Variants in PTPRN2 observed in about 807,000 individuals in gnomAD.
The protein encoded by PTPRN2 is receptor-type tyrosine-protein phosphatase N2.
PTPRN2 carries 74 observed loss-of-function variants against 118.8 expected under a neutral mutation model. That is an observed-to-expected ratio of 0.62 (90% CI 0.52 to 0.76). PTPRN2 has a LOEUF of 0.76. Ranked by LOEUF, PTPRN2 falls within the 30% of genes least tolerant of loss-of-function variation. The pLI is 0.00. For missense variants in PTPRN2, 1,481 were observed against 1,394.4 expected (o/e 1.06, Z -0.99); for synonymous variants, 641 against 608.0 (o/e 1.05, Z -0.80).
chr7:158,460,237 A>G (rs1168020346), intron 2 of PTPRN2, among the ~76,000 whole-genome samples: 2 of 140,984 alleles, frequency 1.4e-5, no homozygotes, highest in African/African-American at 2.7e-5. Context: ...TTCCTGCTAC[A>G]GTGCCTGTGT....
intron 11 of PTPRN2, among the ~76,000 whole-genome samples, chr7:158,071,517 G>A (rs1348214817): frequency 2.2e-5 from 3 of 136,932 alleles, no homozygotes; most frequent in Admixed American, 7.3e-5. Flanking sequence ...GATGCTCGTG[G>A]TGGTGGAGAT....
Position 157,617,038 on chromosome 7 carries a change from C to T in PTPRN2, c.2344+4324G>A, listed in dbSNP as rs1260147390. 1.3e-5 allele frequency: 2 copies of T among 152,296 alleles called. No individual in the cohort carries two copies. The highest frequency in any genetic ancestry group is 4.8e-5 in the African/African-American group (2 of 41,466). The allele number at this position is 152,296 out of a possible 1,614,324, so 9.4% of individuals were successfully genotyped here. On this transcript the variant is annotated intron_variant, in intron 15 of 22. Coordinates refer to ENST00000389418, the MANE Select transcript of PTPRN2 (RefSeq NM_002847.5). This position sits in a 1 kb window ranked among gnomAD's most constrained non-coding sequence, Gnocchi z 7.5. ...CAATCTCAGGTGAGCCCAAGACAGC[C>T]TATGAGGATGGCACTGGGGAGTCTG...
At chr7:158,227,654 T>C (rs1032465703) in intron 3 of PTPRN2, among the ~76,000 whole-genome samples, 5 of 152,194 alleles carry the variant, frequency 3.3e-5, no homozygotes, top group Non-Finnish European at 7.3e-5. Context: ...CTCAAAATGC[T>C]CTTTACGGAA....
chr7:158,581,475 C>T (rs1301839744), intron 1 of PTPRN2, among the ~76,000 whole-genome samples: 1 of 152,038 alleles, frequency 6.6e-6, no homozygotes, highest in Non-Finnish European at 1.5e-5. Flanking sequence ...AGGTGGCCAC[C>T]TGAATCTATA....
At chr7:158,073,507 G>A (rs1812100226) in intron 11 of PTPRN2, among the ~76,000 whole-genome samples, 1 of 152,198 alleles carries the variant, frequency 6.6e-6, no homozygotes, top group Non-Finnish European at 1.5e-5. Flanking sequence ...CAGCTGCCCT[G>A]CAGAACACAG....
chr7:158,515,491 G>C (rs1022421818), intron 1 of PTPRN2, among the ~76,000 whole-genome samples: 3 of 152,088 alleles, frequency 2.0e-5, no homozygotes. Context: ...CCAGCCGTGC[G>C]AATGTAATTT....
At chr7:158,221,911 T>G (rs1200856294) in intron 3 of PTPRN2, among the ~76,000 whole-genome samples, 1 of 151,816 alleles carries the variant, frequency 6.6e-6, no homozygotes, top group Admixed American at 6.6e-5. Flanking sequence ...AAAAAATGGG[T>G]AGGAGACATG....
intron 21 of PTPRN2, 95 bp from the exon 22 acceptor site, chr7:157,549,114 G>A: frequency 8.2e-7 from 1 of 1,213,126 alleles, no homozygotes; most frequent in Non-Finnish European, 1.2e-6. Flanking sequence ...TCTGGGCTGA[G>A]AGGCCAATTG....
At chr7:158,469,623 G>A (rs914219096) in intron 2 of PTPRN2, among the ~76,000 whole-genome samples, 4 of 150,068 alleles carry the variant, frequency 2.7e-5, no homozygotes, top group Non-Finnish European at 2.9e-5. Flanking sequence ...GCTCGAGAGC[G>A]TTTCTGTTCC....
chr7:158,186,699 C>A (rs895420413), intron 5 of PTPRN2, among the ~76,000 whole-genome samples: 2 of 152,176 alleles, frequency 1.3e-5, no homozygotes, highest in African/African-American at 4.8e-5. Context: ...GTCAGAAGCC[C>A]GCCTGGGCCA....
chr7:157,934,819 G>A (rs566996118), intron 11 of PTPRN2, among the ~76,000 whole-genome samples: 37 of 152,320 alleles, frequency 2.4e-4, no homozygotes, highest in African/African-American at 7.0e-4. Flanking sequence ...GAAGAGGTCC[G>A]CAGCATTTTG....
chr7:157,580,911 G>A (rs1348972253), intron 17 of PTPRN2, among the ~76,000 whole-genome samples: 3 of 34,818 alleles, frequency 8.6e-5, no homozygotes, highest in African/African-American at 1.2e-4. Flanking sequence ...TCCACACCGT[G>A]GCACCTGCAC....
intron 10 of PTPRN2, among the ~76,000 whole-genome samples, chr7:158,099,006 C>T (rs906465062): frequency 3.3e-5 from 1 of 30,658 alleles, no homozygotes; most frequent in African/African-American, 1.1e-4. Context: ...CCTTCCTCCC[C>T]CAACACATCC....
rs141832641 is a variant in PTPRN2, at chr7:157,843,816, C to T, written c.1788+54857G>A. 4.6e-5 allele frequency among the ~76,000 whole-genome samples: 7 copies of T among 152,268 alleles called. No individual in the cohort carries two copies. The East Asian group carries it at 7.7e-4, about 17-fold the overall frequency. On this transcript the variant is annotated intron_variant, in intron 12 of 22. Transcript: ENST00000389418. ...ATTATTCCAGGACCAAGGCTTAATGCGTGGGATGTTAATTTGCTGATAGAA... is the reference window on the plus strand; with the variant it reads ...ATTATTCCAGGACCAAGGCTTAATGTGTGGGATGTTAATTTGCTGATAGAA...
intron 2 of PTPRN2, among the ~76,000 whole-genome samples, chr7:158,476,191 G>C (rs991877638): frequency 6.6e-6 from 1 of 152,188 alleles, no homozygotes; most frequent in Non-Finnish European, 1.5e-5. Flanking sequence ...TTTTTGTAGA[G>C]AAGGGGTTTC....
intron 13 of PTPRN2, among the ~76,000 whole-genome samples, chr7:157,673,210 G>A (rs1293815650): frequency 6.6e-6 from 1 of 152,146 alleles, no homozygotes; most frequent in Admixed American, 6.5e-5. Context: ...TTTTAATAGA[G>A]ACGGGGTTTC....
At chr7:157,847,399 A>T (rs925510042) in intron 12 of PTPRN2, among the ~76,000 whole-genome samples, 14 of 150,780 alleles carry the variant, frequency 9.3e-5, no homozygotes, top group Non-Finnish European at 1.0e-4. Flanking sequence ...CGTGTGCCCA[A>T]TGTTTACAGA....
intron 1 of PTPRN2, among the ~76,000 whole-genome samples, chr7:158,520,834 G>C (rs1241310451): frequency 6.6e-6 from 1 of 152,208 alleles, no homozygotes. Flanking sequence ...TTCCATGTCT[G>C]AGCACCAGAT....
At chr7:158,363,170 T>TCCA (rs1275719376) in intron 2 of PTPRN2, among the ~76,000 whole-genome samples, 8 of 152,022 alleles carry the variant, frequency 5.3e-5, no homozygotes, top group Non-Finnish European at 1.2e-4. Flanking sequence ...TCGCTGAGCC[T>TCCA]CCACCAGAGA....
Sources: gnomAD v4.1 joint callset for allele counts (sites outside exome capture counted in the v4.1 genomes callset) on GRCh38, gnomAD v4.1.1 for gene constraint, Gnocchi (gnomAD v3.1) non-coding constraint, MANE v1.5 for transcripts, NCBI Gene and HGNC (gene_info 2026-07-23, HGNC 2026-07-21) for gene names.